Variants in USP40 observed in about 807,000 individuals in gnomAD.
USP40 encodes ubiquitin carboxyl-terminal hydrolase 40.
In USP40, 143 loss-of-function variants were observed where a neutral mutation model predicts 166.2. That is an observed-to-expected ratio of 0.86 (90% CI 0.75 to 0.99). The LOEUF is 0.99. Among genes scored for constraint, USP40 ranks in the 50% least tolerant of loss-of-function variants. The pLI is 0.00. For synonymous variants in USP40, 498 were observed against 524.0 expected, an observed-to-expected ratio of 0.95 and a Z score of 0.68; for missense variants, 1,444 against 1,479.7, an observed-to-expected ratio of 0.98 and a Z score of 0.40.
chr2:233,566,604 C>T, intron 1 of USP40, 80 bp downstream of exon 1: 1 of 840,354 alleles, frequency 1.2e-6, no homozygotes, highest in Admixed American at 6.3e-5. Flanking sequence ...CTCGCCTCGC[C>T]CTCCTCAGAC....
rs1305185814 is a variant in USP40 at position 233,523,434 on chromosome 2, A to G, written c.1937T>C (p.Val646Ala). The G allele has an allele frequency of 6.2e-6, 10 of 1,614,026 alleles. No homozygotes were observed. Among genetic ancestry groups the G allele is most frequent in the South Asian group, 1.1e-5 (1 of 91,090 alleles). Residue 646 changes from valine (V) to alanine (A), a missense_variant, in exon 16 of 32, where the codon GTT becomes GCT. Val to Ala is a moderately conservative substitution (Grantham distance 64). Coordinates refer to ENST00000678225, the MANE Select transcript of USP40 (RefSeq NM_001365479.2). ...ATCACTGCTTGTGTCTAGATGAAGA[A>G]CATTTAAAAGTAGAGGTTCGCAGTC... is the stretch of plus-strand genomic sequence containing the variant. The part of the protein sequence containing the change: ...GIDCEPLLLN[V>A]LHLDTSSDGE...
At chr2:233,556,277 G>A (rs1260062009) in intron 5 of USP40, among the ~76,000 whole-genome samples, 2 of 124,714 alleles carry the variant, frequency 1.6e-5, no homozygotes, top group African/African-American at 2.6e-5. Context: ...ATTTACATGA[G>A]CAAATTTCCA....
At position 233,481,299 on chromosome 2, in the gene USP40, T is replaced by C; in HGVS notation, c.3505-2A>G. The C allele has an allele frequency of 6.3e-7, 1 of 1,591,850 alleles. No individual in the cohort carries two copies. The highest frequency in any genetic ancestry group is 2.2e-5 in the East Asian group (1 of 44,474). ...ATCATCGTCGTCAATCAGGAGATTC[T>C]ACATTTCAAAAGAAGTAATGAGCAG... On this transcript the variant is annotated splice_acceptor_variant, in intron 30 of 31. Coordinates refer to ENST00000678225, the MANE Select transcript of USP40 (RefSeq NM_001365479.2). LOFTEE classifies it high-confidence loss of function.
chr2:233,564,388 G>T (rs1289720965), intron 2 of USP40, among the ~76,000 whole-genome samples: 1 of 152,126 alleles, frequency 6.6e-6, no homozygotes, highest in Non-Finnish European at 1.5e-5. Context: ...CCAGGTGAAG[G>T]CAAAGTAATG....
intron 9 of USP40, 118 bp from the exon 10 acceptor site, chr2:233,540,887 G>A (rs893440549): frequency 1.5e-5 from 8 of 518,266 alleles, no homozygotes; most frequent in African/African-American, 3.9e-5. Context: ...CAGCAAACAC[G>A]TAAGTTGATT....
At chr2:233,527,288 T>C (rs1276272867) in intron 13 of USP40, 119 bp downstream of exon 13, 8 of 1,146,750 alleles carry the variant, frequency 7.0e-6, no homozygotes, top group Non-Finnish European at 9.6e-6. Context: ...AAGTGGCAGA[T>C]GTCAGATCTT....
rs781479922 is a variant in USP40 at position 233,493,437 on chromosome 2, T to C, written c.2905A>G (p.Thr969Ala). The C allele has an allele frequency of 1.9e-6, 3 of 1,613,996 alleles. No individual in the cohort carries two copies. The highest frequency in any genetic ancestry group is 2.2e-5 in the South Asian group (2 of 91,080). Residue 969 changes from threonine to alanine, a missense_variant, in exon 25 of 32, where the codon ACT (threonine) becomes GCT (alanine). Coordinates refer to ENST00000678225, the MANE Select transcript of USP40 (RefSeq NM_001365479.2). This position sits in a 1 kb window ranked among gnomAD's most constrained non-coding sequence, Gnocchi z 4.7. ...ATTCTGTTCTCACCTTGGCTGGAAG[T>C]GGCTCTCCAAACTCTGCCCCAAGAC... ...TSSWGRVWRA[T>A]SSQGASGNEP...
chr2:233,517,781 GGTGTGTGTGTGT>G lies in USP40; in HGVS notation c.2383+1821_2383+1832del, dbSNP rs111938537. Among the ~76,000 whole-genome samples the G allele has an allele frequency of 1.5e-3, 215 of 142,244 alleles. 1 individual carries two copies. The highest frequency in any genetic ancestry group is 2.0e-3 in the Admixed American group (28 of 14,328). 93.3% of individuals were successfully genotyped at this position (142,244 alleles called of 152,430 possible). A position where few individuals can be genotyped will look rare whatever the true frequency, so the allele number is the denominator to read the frequency against. ...ATCAATGAGTGGATAAAGAAACTGT[GGTGTGTGTGTGT>G]GTGTGTGTGTGTGTGTGTGTGTGTG... On this transcript the variant is annotated intron_variant, in intron 18 of 31. Transcript: ENST00000678225.
At chr2:233,521,258 G>A in intron 16 of USP40, 144 bp from the exon 17 acceptor site, 2 of 845,106 alleles carry the variant, frequency 2.4e-6, no homozygotes, top group Non-Finnish European at 3.5e-6. Flanking sequence ...TACCTTTGCA[G>A]GGTAATGTTA....
intron 26 of USP40, 58 bp from the exon 27 acceptor site, chr2:233,489,541 C>T: frequency 7.2e-7 from 1 of 1,383,696 alleles, no homozygotes; most frequent in Non-Finnish European, 9.8e-7. Flanking sequence ...TCAAAACATA[C>T]TGTTTTAGAA....
chr2:233,554,316 T>TA, intron 6 of USP40, 64 bp downstream of exon 6: 1 of 1,451,606 alleles, frequency 6.9e-7, no homozygotes, highest in Non-Finnish European at 9.1e-7. Flanking sequence ...GACTTTTTCA[T>TA]ACAAGTTGAC....
chr2:233,502,182 A>G (rs2066116991), intron 21 of USP40, among the ~76,000 whole-genome samples: 1 of 152,190 alleles, frequency 6.6e-6, no homozygotes, highest in African/African-American at 2.4e-5. Context: ...ACAGAAAGGA[A>G]GATACATCAC....
chr2:233,483,106 G>GT (rs1197627370), intron 30 of USP40, among the ~76,000 whole-genome samples: 2 of 152,156 alleles, frequency 1.3e-5, no homozygotes, highest in East Asian at 1.9e-4. Context: ...CCTTTTCACT[G>GT]TTTTTTATGA....
At chr2:233,544,522 T>A (rs921501734) in intron 8 of USP40, among the ~76,000 whole-genome samples, 1 of 152,088 alleles carries the variant, frequency 6.6e-6, no homozygotes, top group Non-Finnish European at 1.5e-5. Flanking sequence ...GGGACTGGCT[T>A]CTCTGGCAAC....
At chr2:233,538,791 A>G (rs1309794715) in intron 10 of USP40, among the ~76,000 whole-genome samples, 1 of 152,124 alleles carries the variant, frequency 6.6e-6, no homozygotes, top group African/African-American at 2.4e-5. Context: ...CCAAGGTGGG[A>G]GGATCTCTTG....
intron 10 of USP40, among the ~76,000 whole-genome samples, chr2:233,536,356 G>A (rs1316172776): frequency 1.3e-5 from 2 of 152,156 alleles, no homozygotes; most frequent in Non-Finnish European, 2.9e-5. Context: ...CAGAAGAGTG[G>A]CTCAGTGGAA....
intron 10 of USP40, 24 bp from the exon 11 acceptor site, chr2:233,533,803 T>G: frequency 1.4e-6 from 2 of 1,392,300 alleles, no homozygotes; most frequent in South Asian, 2.8e-5. Flanking sequence ...AAAAAAAAAA[T>G]GCTAAGTTAA....
intron 11 of USP40, among the ~76,000 whole-genome samples, chr2:233,532,735 A>G (rs2068639472): frequency 6.6e-6 from 1 of 152,192 alleles, no homozygotes; most frequent in South Asian, 2.1e-4. Context: ...TGAGGCCAGG[A>G]GTTCAAGACC....
At chr2:233,506,423 A>G in intron 21 of USP40, among the ~76,000 whole-genome samples, 1 of 152,212 alleles carries the variant, frequency 6.6e-6, no homozygotes, top group East Asian at 1.9e-4. Flanking sequence ...GGGGAACACT[A>G]TGACACTGGA....
Sources: allele counts gnomAD v4.1 joint callset (sites outside exome capture counted in the v4.1 genomes callset), GRCh38; gene constraint gnomAD v4.1.1; non-coding constraint Gnocchi (gnomAD v3.1); transcripts MANE v1.5; gene names NCBI Gene and HGNC (gene_info 2026-07-23, HGNC 2026-07-21).